SVOPL: variants seen among roughly 807,000 people sequenced by gnomAD.
SVOPL encodes SVOP like, also known as putative transporter SVOPL.
A neutral mutation model predicts 61.0 loss-of-function variants in SVOPL; 60 were observed. The observed-to-expected ratio is 0.98, with a 90% CI of 0.80 to 1.22. The LOEUF (loss-of-function observed/expected upper bound fraction) is 1.22. Ranked by LOEUF, SVOPL falls within the 50% of genes most tolerant of loss-of-function variation. SVOPL has a pLI of 0.00. For missense variants in SVOPL, 662 were observed against 643.9 expected (o/e 1.03, Z -0.30); for synonymous variants, 279 against 250.0 (o/e 1.12, Z -1.09).
intron 1 of SVOPL, among the ~76,000 whole-genome samples, chr7:138,679,512 A>G (rs1430595513): frequency 6.6e-6 from 1 of 152,124 alleles, no homozygotes; most frequent in Non-Finnish European, 1.5e-5. Context: ...ACCTCAGGTG[A>G]TCCGCCCACC....
intron 9 of SVOPL, among the ~76,000 whole-genome samples, chr7:138,642,772 G>A (rs1255825810): frequency 6.8e-6 from 1 of 147,526 alleles, no homozygotes; most frequent in African/African-American, 2.6e-5. Flanking sequence ...AGAGGTTGCA[G>A]TAAGCCGAGA....
At chr7:138,659,728 CT>C in intron 6 of SVOPL, 135 bp downstream of exon 6, 3 of 943,338 alleles carry the variant, frequency 3.2e-6, no homozygotes, top group Non-Finnish European at 4.7e-6. Flanking sequence ...CAAAAATAAA[CT>C]TTCTAAATGG....
intron 3 of SVOPL, among the ~76,000 whole-genome samples, chr7:138,677,183 C>A (rs532511803): frequency 3.9e-5 from 6 of 152,196 alleles, no homozygotes; most frequent in Non-Finnish European, 7.4e-5. Context: ...GGATTACAGG[C>A]GTGAGCCACT....
intron 14 of SVOPL, among the ~76,000 whole-genome samples, chr7:138,613,572 G>T (rs1316255326): frequency 6.6e-6 from 1 of 151,876 alleles, no homozygotes; most frequent in African/African-American, 2.4e-5. Flanking sequence ...CCTTTACACA[G>T]CATTCAACTT....
intron 6 of SVOPL, 43 bp from the exon 7 acceptor site, chr7:138,656,554 C>G: frequency 6.3e-7 from 1 of 1,592,808 alleles, no homozygotes. Flanking sequence ...TTTTAAAAAA[C>G]TAAATCATCT....
Position 138,636,722 on chromosome 7 carries a change from C to T in SVOPL, c.790-6600G>A, listed in dbSNP as rs570543015. Among the ~76,000 whole-genome samples, 10 of 152,240 alleles carry T rather than the reference C, an allele frequency of 6.6e-5. No individual in the cohort carries two copies. The South Asian group carries it at 1.0e-3, about 16-fold the overall frequency. On this transcript the variant is annotated intron_variant, in intron 9 of 15. Coordinates refer to ENST00000674285, the MANE Select transcript of SVOPL (RefSeq NM_001139456.2). ...TTGGCCTCAGGTGACCCACCCACCT[C>T]GGCCTCCCAAAGTACTGGGATTACA...
chr7:138,634,504 C>A (rs1473181579), intron 9 of SVOPL, among the ~76,000 whole-genome samples: 1 of 149,794 alleles, frequency 6.7e-6, no homozygotes, highest in African/African-American at 2.5e-5. Flanking sequence ...AAAAATTAGC[C>A]AGGTGTGGTG....
chr7:138,620,857 G>A (rs1799531911), intron 14 of SVOPL, among the ~76,000 whole-genome samples, 189 bp downstream of exon 14: 3 of 152,160 alleles, frequency 2.0e-5, no homozygotes, highest in Non-Finnish European at 4.4e-5. Context: ...CGACTGGAAG[G>A]CTGAAAGCCT....
intron 9 of SVOPL, among the ~76,000 whole-genome samples, chr7:138,631,996 CT>C (rs1460715965): frequency 2.8e-5 from 3 of 108,858 alleles, no homozygotes; most frequent in Admixed American, 9.8e-5. Context: ...ACACACACCC[CT>C]ACACCCCACC....
chr7:138,635,659 C>T (rs1206024534), intron 9 of SVOPL, among the ~76,000 whole-genome samples: 1 of 152,074 alleles, frequency 6.6e-6, no homozygotes, highest in Non-Finnish European at 1.5e-5. Context: ...GGGATGAACA[C>T]GTGGAGATGG....
intron 14 of SVOPL, among the ~76,000 whole-genome samples, chr7:138,611,273 G>A (rs1798987648): frequency 6.6e-6 from 1 of 152,112 alleles, no homozygotes; most frequent in Admixed American, 6.6e-5. Context: ...AGCTACTCGG[G>A]ACGCTGAGGC....
At chr7:138,684,048 A>C (rs1454170243) in intron 1 of SVOPL, among the ~76,000 whole-genome samples, 1 of 151,446 alleles carries the variant, frequency 6.6e-6, no homozygotes, top group Non-Finnish European at 1.5e-5. Flanking sequence ...ATGGGACTCT[A>C]TCTCGGCAGG....
At chr7:138,663,414 G>T (rs1802092241) in intron 4 of SVOPL, 1 of 1,352,210 alleles carries the variant, frequency 7.4e-7, no homozygotes, top group Non-Finnish European at 9.5e-7. Flanking sequence ...GGACGGCTTC[G>T]GCTCCACTCT....
chr7:138,626,343 C>T (rs745565702), intron 12 of SVOPL, among the ~76,000 whole-genome samples: 19 of 152,058 alleles, frequency 1.2e-4, no homozygotes, highest in African/African-American at 3.9e-4. Context: ...TTTGGGAGGC[C>T]GAGGCAGCTA....
At chr7:138,660,838 T>C (rs1801969348) in intron 5 of SVOPL, 1 of 983,908 alleles carries the variant, frequency 1.0e-6, no homozygotes, top group East Asian at 1.1e-4. Context: ...CAGGGTGTTA[T>C]ATATAGTAAG....
intron 1 of SVOPL, among the ~76,000 whole-genome samples, chr7:138,698,379 G>A (rs918934979): frequency 1.3e-5 from 2 of 152,150 alleles, no homozygotes; most frequent in Non-Finnish European, 2.9e-5. Context: ...GGGGCTTCAG[G>A]GAAAACCTTC....
At chr7:138,679,768 G>A (rs1802659617) in intron 1 of SVOPL, among the ~76,000 whole-genome samples, 1 of 152,098 alleles carries the variant, frequency 6.6e-6, no homozygotes, top group African/African-American at 2.4e-5. Flanking sequence ...CTTGATAAAT[G>A]GAAGCCATTA....
At chr7:138,625,467 T>C (rs1297747090) in intron 13 of SVOPL, among the ~76,000 whole-genome samples, 1 of 152,222 alleles carries the variant, frequency 6.6e-6, no homozygotes, top group African/African-American at 2.4e-5. Flanking sequence ...GGGAGGTTTA[T>C]GAGGAAATAC....
intron 14 of SVOPL, 102 bp downstream of exon 14, chr7:138,620,944 G>T: frequency 1.8e-6 from 2 of 1,091,724 alleles, no homozygotes; most frequent in Non-Finnish European, 2.7e-6. Flanking sequence ...AACTCATGAA[G>T]TCAACAGAAA....
Sources: allele counts gnomAD v4.1 joint callset (sites outside exome capture counted in the v4.1 genomes callset), GRCh38; gene constraint gnomAD v4.1.1; transcripts MANE v1.5; gene names NCBI Gene and HGNC (gene_info 2026-07-23, HGNC 2026-07-21).